The following FAM161B variants were observed in gnomAD, a reference collection of about 807,000 sequenced individuals.
FAM161B encodes the protein FAM161 centrosomal protein B, also known as protein FAM161B.
FAM161B carries 46 observed loss-of-function variants against 61.5 expected under a neutral mutation model. The observed-to-expected ratio is 0.75, with a 90% CI of 0.59 to 0.96. FAM161B has a LOEUF of 0.96. FAM161B is among the 40% of genes least tolerant of loss of function. FAM161B has a pLI of 0.00. For synonymous variants in FAM161B, 284 were observed against 302.7 expected (o/e 0.94, Z 0.64); for missense variants, 774 against 800.7 (o/e 0.97, Z 0.40).
At chr14:73,926,480 C>G in the FAM161B span, among the ~76,000 whole-genome samples, 1 of 151,914 alleles carries the variant, frequency 6.6e-6, no homozygotes, top group Non-Finnish European at 1.5e-5. Context: ...TGGCCCAGGT[C>G]AAGAGTGCAG....
intron 3 of FAM161B, among the ~76,000 whole-genome samples, chr14:73,943,705 A>G (rs1338673794): frequency 1.3e-5 from 2 of 152,082 alleles, no homozygotes; most frequent in Admixed American, 6.6e-5. Context: ...GGTCCCTTTG[A>G]TATATGCTCC....
Position 73,938,069 on chromosome 14 carries a change from AC to A in FAM161B, c.1443del (p.Gln481HisfsTer17), listed in dbSNP as rs1190641050. On this transcript the variant is annotated frameshift_variant, in exon 6 of 9. Transcript: ENST00000286544. LOFTEE classifies it high-confidence loss of function. The stretch of plus-strand genomic sequence containing the variant: ...GACTTCTTTTTGTGTATCTCCAGCC[AC>A]TGAATACTCTCATCTGCTTTGTTCT... ...EKKNKADESI[Q>X]WLEIHKKKSQ... is the part of the protein sequence containing the mutation. 1.2e-6 allele frequency: 2 copies of A among 1,614,164 alleles called. No individual in the cohort carries two copies. Among genetic ancestry groups the A allele is most frequent in the African/African-American group, 2.7e-5 (2 of 75,046 alleles).
chr14:73,925,727 C>T, the FAM161B span, among the ~76,000 whole-genome samples: 1 of 152,126 alleles, frequency 6.6e-6, no homozygotes, highest in Non-Finnish European at 1.5e-5. Context: ...CGCACTTGGC[C>T]CTAACTTTGA....
At chr14:73,947,775 A>G (rs115331687) in intron 1 of FAM161B, among the ~76,000 whole-genome samples, 77 of 152,312 alleles carry the variant, frequency 5.1e-4, no homozygotes, top group African/African-American at 1.8e-3. Flanking sequence ...AACTTGCTGC[A>G]GGACACTACG....
Position 73,944,507 on chromosome 14 carries a change from C to G in FAM161B, c.753G>C (p.Leu251=). The change falls in exon 3 of 9, where the codon CTG becomes CTC. Residue 251 remains leucine (L), a synonymous_variant. Coordinates refer to ENST00000286544, the MANE Select transcript of FAM161B (RefSeq NM_152445.3). ...RQAGIQKRKE[L]LLSSLKPFSF... Reference sequence around the variant, plus strand: ...TGAAGGGCTTCAAAGAAGAGAGGAGCAGTTCCTTCCTCTTCTGGATCCCTG... The same window carrying G: ...TGAAGGGCTTCAAAGAAGAGAGGAGGAGTTCCTTCCTCTTCTGGATCCCTG... 3.1e-6 allele frequency: 5 copies of G among 1,614,090 alleles called. No homozygotes were observed. Among genetic ancestry groups the G allele is most frequent in the Non-Finnish European group, 4.2e-6 (5 of 1,180,012 alleles).
chr14:73,944,398 G>T lies in FAM161B; in HGVS notation c.862C>A (p.Gln288Lys), dbSNP rs779003979. 1 of 1,609,450 alleles carries T rather than the reference G, an allele frequency of 6.2e-7. No homozygotes were observed. Among genetic ancestry groups the T allele is most frequent in the Non-Finnish European group, 8.5e-7 (1 of 1,176,312 alleles). Residue 288 changes from glutamine (Q) to lysine (K), a missense_variant, in exon 3 of 9, where the codon CAG becomes AAG. Coordinates refer to ENST00000286544, the MANE Select transcript of FAM161B (RefSeq NM_152445.3). ...AATAEAKISK[Q>K]KATRRIPKSI... ...TTGGGAATCCTTCTGGTGGCCTTCTGCTTGGAGATCTTGGCTTCAGCTGTG... is the reference window on the plus strand; with the variant it reads ...TTGGGAATCCTTCTGGTGGCCTTCTTCTTGGAGATCTTGGCTTCAGCTGTG...
chr14:73,939,734 T>C (rs2056001595), intron 5 of FAM161B, among the ~76,000 whole-genome samples: 1 of 152,252 alleles, frequency 6.6e-6, no homozygotes, highest in South Asian at 2.1e-4. Flanking sequence ...GCACTTAGTT[T>C]GTTCAGTTAT....
downstream of FAM161B, among the ~76,000 whole-genome samples, chr14:73,928,204 G>C (rs990439411): frequency 1.3e-5 from 2 of 152,204 alleles, no homozygotes; most frequent in Non-Finnish European, 2.9e-5. Flanking sequence ...ATGTTTTAGA[G>C]TTTAAGTTGA....
intron 5 of FAM161B, among the ~76,000 whole-genome samples, chr14:73,940,549 C>A (rs963058302): frequency 6.6e-6 from 1 of 152,088 alleles, no homozygotes; most frequent in Non-Finnish European, 1.5e-5. Context: ...CAAGACAAGA[C>A]CCCCCTGCTC....
chr14:73,924,730 G>A, the FAM161B span: 1 of 439,036 alleles, frequency 2.3e-6, no homozygotes, highest in Admixed American at 2.6e-5. Flanking sequence ...AGGCTGGAGT[G>A]CAGTGGTGCG....
intron 8 of FAM161B, 123 bp from the exon 9 acceptor site, chr14:73,934,517 G>A: frequency 1.2e-6 from 1 of 849,846 alleles, no homozygotes; most frequent in Non-Finnish European, 1.7e-6. Flanking sequence ...CAGCCCAGCT[G>A]AAGCAACCCT....
chr14:73,942,141 C>T (rs1298849749), intron 4 of FAM161B, among the ~76,000 whole-genome samples: 3 of 152,180 alleles, frequency 2.0e-5, no homozygotes, highest in Admixed American at 2.0e-4. Flanking sequence ...CAGGTACACA[C>T]CACCACATGT....
intron 5 of FAM161B, 95 bp downstream of exon 5, chr14:73,940,831 T>C: frequency 6.7e-7 from 1 of 1,493,266 alleles, no homozygotes; most frequent in Non-Finnish European, 8.9e-7. Context: ...CCTTGAGGTA[T>C]CTCTGATAAC....
downstream of FAM161B, chr14:73,931,906 G>A (rs537715940): frequency 4.4e-6 from 2 of 456,790 alleles, no homozygotes; most frequent in African/African-American, 2.0e-5. Flanking sequence ...AGACTCAGCT[G>A]TCTTTTCACA....
At chr14:73,938,638 G>C (rs1381524136) in intron 5 of FAM161B, among the ~76,000 whole-genome samples, 1 of 151,800 alleles carries the variant, frequency 6.6e-6, no homozygotes, top group East Asian at 1.9e-4. Flanking sequence ...CGGGTGCGGT[G>C]GTGGGCGCCT....
downstream of FAM161B, chr14:73,931,410 C>A: frequency 8.8e-7 from 1 of 1,130,160 alleles, no homozygotes; most frequent in Non-Finnish European, 1.3e-6. Flanking sequence ...GTAGTGCATT[C>A]TCCATCCTCC....
At chr14:73,941,108 CTTTTTTTTTTTT>C (rs11358501) in intron 4 of FAM161B, 55 bp from the exon 5 acceptor site, 3 of 955,300 alleles carry the variant, frequency 3.1e-6, no homozygotes, top group Non-Finnish European at 4.0e-6. Flanking sequence ...TAGTTTCTAT[CTTTTTTTTTTTT>C]TTTTTTTTTT....
Position 73,933,436 on chromosome 14 carries a change from TGTAA to T in FAM161B, c.*816_*819del, listed in dbSNP as rs965007335. The T allele has an allele frequency of 6.6e-6, 1 of 152,240 alleles. No individual in the cohort carries two copies. The highest frequency in any genetic ancestry group is 1.5e-5 in the Non-Finnish European group (1 of 68,044). 9.4% of individuals were successfully genotyped at this position (152,240 alleles called of 1,614,324 possible). A position where few individuals can be genotyped will look rare whatever the true frequency, so the allele number is the denominator to read the frequency against. On this transcript the variant is annotated 3_prime_UTR_variant, in exon 9 of 9. Coordinates refer to ENST00000286544, the MANE Select transcript of FAM161B (RefSeq NM_152445.3). ...GGATAAGAAATCCTGTACTAGAAGT[TGTAA>T]GTTTTTCATCCCCCATGGGCTAGAT...
chr14:73,937,718 T>A lies in FAM161B; in HGVS notation c.1566-17A>T, dbSNP rs2055982034. On this transcript the variant is annotated splice_polypyrimidine_tract_variant and intron_variant, in intron 6 of 8. Coordinates refer to ENST00000286544, the MANE Select transcript of FAM161B (RefSeq NM_152445.3). ...TCATTGTTCCTGGAATTAGCAAGAC[T>A]TTTAGAAAGAATTTCATCTTTTCTA... The A allele has an allele frequency of 2.5e-6, 4 of 1,609,828 alleles. No homozygotes were observed. Among genetic ancestry groups the A allele is most frequent in the Non-Finnish European group, 3.4e-6 (4 of 1,177,894 alleles).
Sources: gnomAD v4.1 joint callset for allele counts (sites outside exome capture counted in the v4.1 genomes callset) on GRCh38, gnomAD v4.1.1 for gene constraint, MANE v1.5 for transcripts, NCBI Gene and HGNC (gene_info 2026-07-23, HGNC 2026-07-21) for gene names.